The following MSI2 variants were observed in gnomAD, a reference collection of about 807,000 sequenced individuals.
MSI2 encodes RNA-binding protein Musashi homolog 2.
In MSI2, 17 loss-of-function variants were observed where a neutral mutation model predicts 45.6. The observed-to-expected ratio is 0.37, with a 90% CI of 0.26 to 0.56. MSI2 has a LOEUF of 0.56. Ranked by LOEUF, MSI2 falls within the 20% of genes least tolerant of loss-of-function variation. The pLI is 0.77. For synonymous variants in MSI2, 156 were observed against 158.2 expected, an observed-to-expected ratio of 0.99 and a Z score of 0.11; for missense variants, 293 against 444.2, an observed-to-expected ratio of 0.66 and a Z score of 3.06.
intron 11 of MSI2, among the ~76,000 whole-genome samples, chr17:57,669,735 A>C (rs919563340): frequency 6.6e-6 from 1 of 152,178 alleles, no homozygotes; most frequent in East Asian, 1.9e-4. Context: ...TTTCGGGACT[A>C]GGGGTTGGGA....
Position 57,401,247 on chromosome 17 carries a change from C to T in MSI2, c.313-132C>T, listed in dbSNP as rs1036848331. ...GCATCCTTAGACATCTAAACGCCCGCGCCATGCAGCTTGAATATATCTAAA... is the reference window on the plus strand; with the variant it reads ...GCATCCTTAGACATCTAAACGCCCGTGCCATGCAGCTTGAATATATCTAAA... On this transcript the variant is annotated intron_variant, in intron 5 of 13. Coordinates refer to ENST00000284073, the MANE Select transcript of MSI2 (RefSeq NM_138962.4). The T allele has an allele frequency of 4.9e-5, 35 of 708,670 alleles. No homozygotes were observed. In the East Asian group the frequency reaches 5.7e-4, roughly 11 times the overall value. The allele number at this position is 708,670 out of a possible 1,614,324, so 43.9% of individuals were successfully genotyped here.
the MSI2 span, among the ~76,000 whole-genome samples, chr17:57,694,252 T>G: frequency 6.6e-6 from 1 of 152,178 alleles, no homozygotes; most frequent in African/African-American, 2.4e-5. Context: ...TGCTCTAGGT[T>G]TGGGTTTTAT....
chr17:57,415,386 G>T (rs1474406768), intron 6 of MSI2, among the ~76,000 whole-genome samples: 1 of 152,108 alleles, frequency 6.6e-6, no homozygotes, highest in African/African-American at 2.4e-5. Context: ...GTGGGGTTGT[G>T]GGGGGATTAT....
At chr17:57,509,673 G>A (rs950784148) in intron 6 of MSI2, among the ~76,000 whole-genome samples, 4 of 151,946 alleles carry the variant, frequency 2.6e-5, no homozygotes, top group African/African-American at 7.3e-5. Flanking sequence ...CACCCACCTC[G>A]GCCTCCCAAA....
intron 6 of MSI2, chr17:57,522,772 C>T: frequency 6.6e-6 from 1 of 152,262 alleles, no homozygotes; most frequent in Non-Finnish European, 1.5e-5. Context: ...TCCCTCCATG[C>T]TTGGTGCGGC....
At chr17:57,588,678 A>G (rs946927309) in intron 7 of MSI2, among the ~76,000 whole-genome samples, 1 of 152,214 alleles carries the variant, frequency 6.6e-6, no homozygotes, top group African/African-American at 2.4e-5. Flanking sequence ...GTGGATGACC[A>G]TATCTTTCCC....
chr17:57,294,169 T>A (rs1402403446), intron 5 of MSI2, among the ~76,000 whole-genome samples: 1 of 152,210 alleles, frequency 6.6e-6, no homozygotes. Context: ...TGGGAGGATC[T>A]GGCTCTGACC....
intron 6 of MSI2, among the ~76,000 whole-genome samples, chr17:57,524,598 A>G (rs955211544): frequency 2.0e-5 from 3 of 152,222 alleles, no homozygotes; most frequent in Non-Finnish European, 4.4e-5. Flanking sequence ...AGTTTATGTC[A>G]TCCTAGTAGA....
At chr17:57,298,009 A>G (rs1197285188) in intron 5 of MSI2, among the ~76,000 whole-genome samples, 1 of 152,088 alleles carries the variant, frequency 6.6e-6, no homozygotes, top group Non-Finnish European at 1.5e-5. Context: ...GAGGGTTGGA[A>G]TAAACTTCTT....
intron 10 of MSI2, among the ~76,000 whole-genome samples, chr17:57,642,727 G>A (rs553822468): frequency 2.0e-5 from 3 of 152,312 alleles, no homozygotes; most frequent in African/African-American, 7.2e-5. Context: ...GCTTAGAACC[G>A]AGCTTGGCCT....
chr17:57,376,445 C>A (rs774366834), intron 5 of MSI2, among the ~76,000 whole-genome samples: 1 of 152,188 alleles, frequency 6.6e-6, no homozygotes, highest in Non-Finnish European at 1.5e-5. Flanking sequence ...TTGCTCAAAT[C>A]CCTTCTCGCC....
chr17:57,318,997 G>A (rs1210066320), intron 5 of MSI2, among the ~76,000 whole-genome samples: 1 of 152,212 alleles, frequency 6.6e-6, no homozygotes, highest in African/African-American at 2.4e-5. Flanking sequence ...CTGCCTTTAG[G>A]TGTGTGGGCC....
At chr17:57,472,376 G>T (rs996590730) in intron 6 of MSI2, among the ~76,000 whole-genome samples, 4 of 152,144 alleles carry the variant, frequency 2.6e-5, no homozygotes, top group Non-Finnish European at 4.4e-5. Context: ...CTCTTCTGGG[G>T]AGGAGCCCTG....
At chr17:57,358,277 T>C (rs568232087) in intron 5 of MSI2, among the ~76,000 whole-genome samples, 9 of 152,168 alleles carry the variant, frequency 5.9e-5, no homozygotes, top group African/African-American at 2.2e-4. Context: ...CCTTCAGGCA[T>C]TTTTTCTCCT....
intron 5 of MSI2, among the ~76,000 whole-genome samples, chr17:57,382,627 C>T (rs971746983): frequency 9.9e-5 from 15 of 152,276 alleles, no homozygotes; most frequent in African/African-American, 3.6e-4. Flanking sequence ...GGCTAGAAAA[C>T]CCTGCTGGCA....
At chr17:57,570,309 A>G (rs1216192769) in intron 7 of MSI2, among the ~76,000 whole-genome samples, 1 of 152,178 alleles carries the variant, frequency 6.6e-6, no homozygotes, top group African/African-American at 2.4e-5. Flanking sequence ...CCCCCAGGTG[A>G]TTATGATATG....
intron 6 of MSI2, among the ~76,000 whole-genome samples, chr17:57,460,430 C>G (rs1047339717): frequency 6.6e-6 from 1 of 151,232 alleles, no homozygotes. Flanking sequence ...AAAATCCTGT[C>G]TTTGGAAGGA....
intron 5 of MSI2, among the ~76,000 whole-genome samples, chr17:57,340,449 C>T (rs1915041060): frequency 6.6e-6 from 1 of 152,206 alleles, no homozygotes; most frequent in Admixed American, 6.5e-5. Context: ...ATGGATCAAG[C>T]TCTGGCACTA....
chr17:57,381,785 T>A (rs923839589), intron 5 of MSI2, among the ~76,000 whole-genome samples: 1 of 152,264 alleles, frequency 6.6e-6, no homozygotes, highest in African/African-American at 2.4e-5. Flanking sequence ...ATCTTTGTAT[T>A]TTCAGAGGCC....
Sources: gnomAD v4.1 joint callset for allele counts (sites outside exome capture counted in the v4.1 genomes callset) on GRCh38, gnomAD v4.1.1 for gene constraint, MANE v1.5 for transcripts, NCBI Gene and HGNC (gene_info 2026-07-23, HGNC 2026-07-21) for gene names.